XKR6: variants seen among roughly 807,000 people sequenced by gnomAD.
XKR6 encodes XK-related protein 6.
XKR6 carries 22 observed loss-of-function variants against 56.7 expected under a neutral mutation model. The observed-to-expected ratio is 0.39, with a 90% confidence interval of 0.28 to 0.55. The LOEUF is 0.55. Among genes scored for constraint, XKR6 ranks in the 20% least tolerant of loss-of-function variants. XKR6 has a pLI of 0.66. For missense variants in XKR6, 852 were observed against 889.0 expected, an observed-to-expected ratio of 0.96 and a Z score of 0.53; for synonymous variants, 524 against 387.8, an observed-to-expected ratio of 1.35 and a Z score of -4.13.
At chr8:11,086,133 A>AATAT (rs138365092) in intron 1 of XKR6, among the ~76,000 whole-genome samples, 2,365 of 90,090 alleles carry the variant, frequency 0.026, 87 homozygotes, top group African/African-American at 0.12. Flanking sequence ...TTAAAAAGAA[A>AATAT]ATATATATAT....
At chr8:11,045,472 C>T (rs546614554) in intron 1 of XKR6, among the ~76,000 whole-genome samples, 3 of 152,176 alleles carry the variant, frequency 2.0e-5, no homozygotes, top group Non-Finnish European at 2.9e-5. Context: ...GCAGCTATCA[C>T]CATCTAGGTT....
intron 1 of XKR6, chr8:11,107,736 C>G (rs1798732753): frequency 6.5e-6 from 1 of 153,486 alleles, no homozygotes; most frequent in Non-Finnish European, 1.4e-5. Flanking sequence ...GCCAAGTGGA[C>G]TGACCCTGGC....
chr8:10,959,862 T>C (rs950492947), intron 1 of XKR6, among the ~76,000 whole-genome samples: 3 of 152,180 alleles, frequency 2.0e-5, no homozygotes, highest in African/African-American at 7.2e-5. Flanking sequence ...AGTCTGAGAA[T>C]GGGTGGGAAG....
chr8:10,988,894 C>T (rs778068730), intron 1 of XKR6, among the ~76,000 whole-genome samples: 63 of 152,170 alleles, frequency 4.1e-4, no homozygotes, highest in Non-Finnish European at 1.8e-4. Flanking sequence ...GCTTGTGGAA[C>T]GTTTCTTGAT....
At chr8:10,918,153 C>T (rs1050720072) in intron 2 of XKR6, among the ~76,000 whole-genome samples, 10 of 152,284 alleles carry the variant, frequency 6.6e-5, no homozygotes, top group African/African-American at 1.7e-4. Context: ...AGGCAAAGGG[C>T]GGTGAGCCCA....
intron 1 of XKR6, among the ~76,000 whole-genome samples, chr8:11,027,134 A>G (rs1586448182): frequency 6.6e-6 from 1 of 152,228 alleles, no homozygotes; most frequent in South Asian, 2.1e-4. Context: ...AAACCTGTAC[A>G]GTACAATACT....
chr8:10,947,626 C>T (rs561916663), intron 1 of XKR6, among the ~76,000 whole-genome samples: 2 of 152,170 alleles, frequency 1.3e-5, no homozygotes, highest in Admixed American at 6.5e-5. Flanking sequence ...GTGTAGCCCC[C>T]GGGGCCCTGG....
chr8:11,116,178 C>G (rs1315779631), intron 1 of XKR6, among the ~76,000 whole-genome samples: 1 of 152,162 alleles, frequency 6.6e-6, no homozygotes, highest in African/African-American at 2.4e-5. Flanking sequence ...GCAGTGAAAC[C>G]CGTCCTCCTT....
intron 1 of XKR6, among the ~76,000 whole-genome samples, chr8:11,061,773 G>A (rs1233955764): frequency 6.6e-6 from 1 of 152,190 alleles, no homozygotes; most frequent in Non-Finnish European, 1.5e-5. Context: ...TTGGCCCAAA[G>A]AATGAGAAGA....
At chr8:11,090,084 G>C (rs567835515) in intron 1 of XKR6, among the ~76,000 whole-genome samples, 1 of 152,166 alleles carries the variant, frequency 6.6e-6, no homozygotes, top group African/African-American at 2.4e-5. Context: ...AATTTATCCA[G>C]TCTCCTTTTT....
intron 1 of XKR6, among the ~76,000 whole-genome samples, chr8:11,119,403 G>T (rs879609063): frequency 2.6e-5 from 4 of 152,208 alleles, no homozygotes; most frequent in East Asian, 1.9e-4. Context: ...AATGTTGACA[G>T]TGGGGTGGTA....
chr8:10,935,705 C>A (rs1283124554), intron 1 of XKR6, among the ~76,000 whole-genome samples: 2 of 150,124 alleles, frequency 1.3e-5, no homozygotes, highest in African/African-American at 2.5e-5. Flanking sequence ...TGTAGTTGAG[C>A]GGCTTTGAGT....
At chr8:10,923,645 C>T (rs1800789781) in intron 2 of XKR6, among the ~76,000 whole-genome samples, 1 of 152,208 alleles carries the variant, frequency 6.6e-6, no homozygotes, top group Admixed American at 6.5e-5. Context: ...CCTGGGGCAG[C>T]GTGGCTGTTC....
At chr8:11,196,740 C>A (rs757130129) in intron 1 of XKR6, among the ~76,000 whole-genome samples, 5 of 152,212 alleles carry the variant, frequency 3.3e-5, no homozygotes, top group Non-Finnish European at 4.4e-5. Context: ...TTCTTGTGTC[C>A]TCCCCAGGGA....
intron 1 of XKR6, among the ~76,000 whole-genome samples, chr8:11,160,392 A>C (rs190570419): frequency 1.5e-4 from 22 of 148,074 alleles, no homozygotes; most frequent in Non-Finnish European, 2.1e-4. Context: ...CTTTATGGGG[A>C]AAAAAAAAAG....
intron 1 of XKR6, chr8:11,123,946 G>T (rs1799612347): frequency 2.2e-6 from 1 of 455,928 alleles, no homozygotes; most frequent in Non-Finnish European, 4.4e-6. Flanking sequence ...CGCAGCAGAG[G>T]ATCGGCTCCA....
intron 1 of XKR6, among the ~76,000 whole-genome samples, chr8:11,092,273 G>A (rs1218941640): frequency 6.6e-6 from 1 of 151,766 alleles, no homozygotes; most frequent in Non-Finnish European, 1.5e-5. Flanking sequence ...CATTGTGCAC[G>A]CACACACACA....
chr8:10,902,409 G>A (rs1349254303), intron 2 of XKR6, among the ~76,000 whole-genome samples: 2 of 152,164 alleles, frequency 1.3e-5, no homozygotes, highest in Non-Finnish European at 1.5e-5. Context: ...AGGGGCTTGG[G>A]TGGCTTGCTC....
At chr8:11,165,540 T>C (rs73665015) in intron 1 of XKR6, among the ~76,000 whole-genome samples, 3,539 of 152,278 alleles carry the variant, frequency 0.023, 157 homozygotes, top group African/African-American at 0.079. Context: ...CATGCTCTCT[T>C]GGGCATCGGC....
Sources: allele counts gnomAD v4.1 joint callset (sites outside exome capture counted in the v4.1 genomes callset), GRCh38; gene constraint gnomAD v4.1.1; transcripts MANE v1.5; gene names NCBI Gene and HGNC (gene_info 2026-07-23, HGNC 2026-07-21).